ACTR3B: variants seen among roughly 807,000 people sequenced by gnomAD.
ACTR3B encodes actin-related protein 3B.
Under a neutral mutation model 59.0 loss-of-function variants are expected in ACTR3B, and 8 were observed. The ratio of observed to expected loss-of-function variants is 0.14; its 90% CI spans 0.08 to 0.24. The LOEUF (loss-of-function observed/expected upper bound fraction) is 0.24. Among genes scored for constraint, ACTR3B ranks in the 10% least tolerant of loss-of-function variants. The probability of loss-of-function intolerance (pLI) is 1.00; values close to 1 mark genes in which losing one functional copy is unlikely to be tolerated. For missense variants in ACTR3B, 245 were observed against 552.3 expected (o/e 0.44, Z 5.58); for synonymous variants, 148 against 197.9 (o/e 0.75, Z 2.12).
chr7:152,820,465 C>T (rs1412268045), intron 7 of ACTR3B, 23 bp downstream of exon 7: 4 of 1,601,074 alleles, frequency 2.5e-6, no homozygotes, highest in Admixed American at 1.7e-5. Context: ...GGGAAACCGG[C>T]CGGTTTGGGG....
At chr7:152,830,831 G>T (rs1417377995) in intron 9 of ACTR3B, among the ~76,000 whole-genome samples, 1 of 152,186 alleles carries the variant, frequency 6.6e-6, no homozygotes, top group Non-Finnish European at 1.5e-5. Context: ...TTATAGGCGT[G>T]AACCACTGCG....
At chr7:152,793,795 T>A (rs2098205913) in intron 2 of ACTR3B, among the ~76,000 whole-genome samples, 1 of 151,804 alleles carries the variant, frequency 6.6e-6, no homozygotes, top group Non-Finnish European at 1.5e-5. Context: ...GAGGTTCTTA[T>A]TTTAATTTTG....
chr7:152,787,928 A>G (rs1323777502), intron 2 of ACTR3B, among the ~76,000 whole-genome samples: 1 of 151,312 alleles, frequency 6.6e-6, no homozygotes, highest in African/African-American at 2.4e-5. Flanking sequence ...TATTATTATT[A>G]TTTTTATTTT....
intron 2 of ACTR3B, among the ~76,000 whole-genome samples, chr7:152,786,757 A>C (rs776287517): frequency 1.3e-5 from 2 of 151,754 alleles, no homozygotes; most frequent in African/African-American, 2.4e-5. Flanking sequence ...TTGTGTTTCT[A>C]CTCCATTTTT....
chr7:152,833,816 G>T (rs1421098251), intron 9 of ACTR3B, among the ~76,000 whole-genome samples: 1 of 152,130 alleles, frequency 6.6e-6, no homozygotes, highest in Non-Finnish European at 1.5e-5. Context: ...CTTTCCATCT[G>T]CAGAGGTGGT....
rs752529156 is a variant in ACTR3B, at chr7:152,852,270, C to T, written c.1077+19C>T. On this transcript the variant is annotated intron_variant, in intron 10 of 11. Coordinates refer to ENST00000256001, the MANE Select transcript of ACTR3B (RefSeq NM_020445.6). ...GATCAAGGTAGGAGCCAGAGGCCTC[C>T]ACGCAGTGCCTGGGGCTATTGCCCC... is the stretch of plus-strand genomic sequence containing the variant. 1.2e-6 allele frequency: 2 copies of T among 1,601,468 alleles called. No individual in the cohort carries two copies. The highest frequency in any genetic ancestry group is 2.2e-5 in the East Asian group (1 of 44,848).
chr7:152,769,051 C>T (rs2098118001), intron 1 of ACTR3B, among the ~76,000 whole-genome samples: 2 of 151,804 alleles, frequency 1.3e-5, no homozygotes, highest in African/African-American at 2.4e-5. Context: ...CGGGGTTTCT[C>T]CATGTTGGCT....
intron 1 of ACTR3B, among the ~76,000 whole-genome samples, chr7:152,769,522 A>AAG (rs1201923826): frequency 8.5e-5 from 13 of 152,122 alleles, no homozygotes; most frequent in Admixed American, 8.5e-4. Context: ...CTTTTTAGTC[A>AAG]ATATGAAAAT....
chr7:152,846,668 C>T (rs1259943181), intron 9 of ACTR3B, among the ~76,000 whole-genome samples: 1 of 146,204 alleles, frequency 6.8e-6, no homozygotes, highest in Admixed American at 6.8e-5. Flanking sequence ...GTAGTGAGCT[C>T]TAGTGCCCGG....
intron 1 of ACTR3B, among the ~76,000 whole-genome samples, chr7:152,766,275 G>T (rs914496081): frequency 6.6e-6 from 1 of 152,170 alleles, no homozygotes; most frequent in Non-Finnish European, 1.5e-5. Flanking sequence ...CCAGCATCAG[G>T]CTGTGACAAC....
In ACTR3B at chr7:152,823,402, C is replaced by T. The variant is rs769042294; in HGVS notation, c.745C>T (p.Pro249Ser). Residue 249 changes from proline (P) to serine (S), a missense_variant, in exon 8 of 12, where the codon CCC becomes TCC. Pro to Ser is a moderately conservative substitution (Grantham distance 74). Coordinates refer to ENST00000256001, the MANE Select transcript of ACTR3B (RefSeq NM_020445.6). ...GGAATTTGCCAAGTATGATGTGGAT[C>T]CCCGGAAGTGGATCAAACAGTACAC... ...VKEFAKYDVD[P>S]RKWIKQYTGI... is the part of the protein sequence containing the mutation. 4 of 1,614,214 alleles carry T rather than the reference C, an allele frequency of 2.5e-6. No homozygotes were observed. The South Asian group carries it at 3.3e-5, about 13-fold the overall frequency.
chr7:152,773,799 C>T (rs1215445252), intron 1 of ACTR3B, among the ~76,000 whole-genome samples: 1 of 152,186 alleles, frequency 6.6e-6, no homozygotes, highest in African/African-American at 2.4e-5. Context: ...TTTACACATT[C>T]CAGAAAACTT....
chr7:152,846,386 G>A (rs1328094102), intron 9 of ACTR3B, among the ~76,000 whole-genome samples: 23 of 146,516 alleles, frequency 1.6e-4, no homozygotes, highest in African/African-American at 5.9e-4. Context: ...TCTGTAGTGA[G>A]CCCTAGTGCC....
intron 1 of ACTR3B, among the ~76,000 whole-genome samples, chr7:152,781,629 T>G (rs748477531): frequency 6.6e-6 from 1 of 152,198 alleles, no homozygotes; most frequent in Non-Finnish European, 1.5e-5. Flanking sequence ...CTGGTCTGCT[T>G]GTTGGATTCC....
In ACTR3B at chr7:152,814,658, A is replaced by G. The variant is rs772638502; in HGVS notation, c.432+13A>G. Reference sequence around the variant, plus strand: ...CATTGCAGTTCAGGTAAAACCAGTTACGTTTGTGATTCCTAAAGCACCTGA... The same window carrying G: ...CATTGCAGTTCAGGTAAAACCAGTTGCGTTTGTGATTCCTAAAGCACCTGA... On this transcript the variant is annotated intron_variant, in intron 5 of 11. Coordinates refer to ENST00000256001, the MANE Select transcript of ACTR3B (RefSeq NM_020445.6). 6.2e-7 allele frequency: 1 copy of G among 1,605,230 alleles called. No homozygotes were observed. The highest frequency in any genetic ancestry group is 1.1e-5 in the South Asian group (1 of 90,716).
chr7:152,800,495 A>C (rs2098231960), intron 2 of ACTR3B, 36 bp from the exon 3 acceptor site: 1 of 1,606,744 alleles, frequency 6.2e-7, no homozygotes, highest in Admixed American at 1.7e-5. Context: ...AGATATGGAT[A>C]GTGATAGAAA....
Position 152,833,862 on chromosome 7 carries a change from T to C in ACTR3B, c.951+8740T>C, listed in dbSNP as rs543556201. Among the ~76,000 whole-genome samples the C allele has an allele frequency of 7.2e-5, 11 of 152,228 alleles. No individual in the cohort carries two copies. In the South Asian group the frequency reaches 2.1e-3, roughly 29 times the overall value. On this transcript the variant is annotated intron_variant, in intron 9 of 11. Transcript: ENST00000256001. ...GATTTTTATTTGGCATCATAAAATA[T>C]ACATTTATCCGGCAAGGTAAGGTTG...
intron 2 of ACTR3B, among the ~76,000 whole-genome samples, chr7:152,791,734 ACT>A (rs2098196928): frequency 6.6e-6 from 1 of 152,144 alleles, no homozygotes; most frequent in South Asian, 2.1e-4. Context: ...ATATAATTAC[ACT>A]TACTCCTCTC....
At chr7:152,760,281 G>T (rs1006196822) in intron 1 of ACTR3B, among the ~76,000 whole-genome samples, 3 of 151,852 alleles carry the variant, frequency 2.0e-5, no homozygotes, top group Non-Finnish European at 2.9e-5. Flanking sequence ...CACCGGGAGC[G>T]CGGGATCTCC....
Sources: allele counts gnomAD v4.1 joint callset (sites outside exome capture counted in the v4.1 genomes callset), GRCh38; gene constraint gnomAD v4.1.1; transcripts MANE v1.5; gene names NCBI Gene and HGNC (gene_info 2026-07-23, HGNC 2026-07-21).